Variants in ZNF623 observed in about 807,000 individuals in gnomAD.
ZNF623 encodes zinc finger protein 623.
A neutral mutation model predicts 24.0 loss-of-function variants in ZNF623; 16 were observed. That is an observed-to-expected ratio of 0.67 (90% CI 0.45 to 1.01). The LOEUF (loss-of-function observed/expected upper bound fraction) is 1.01. ZNF623 is among the 50% of genes least tolerant of loss of function. ZNF623 has a pLI of 0.00. For synonymous variants in ZNF623, 224 were observed against 219.8 expected (o/e 1.02, Z -0.17); for missense variants, 566 against 606.5 (o/e 0.93, Z 0.70).
Position 143,650,862 on chromosome 8 carries a change from G to A in ZNF623, c.870G>A (p.Arg290=), listed in dbSNP as rs369081911. The A allele has an allele frequency of 1.2e-6, 2 of 1,614,044 alleles. No individual in the cohort carries two copies. Among genetic ancestry groups the A allele is most frequent in the Non-Finnish European group, 1.7e-6 (2 of 1,180,036 alleles). Residue 290 remains arginine, a synonymous_variant, in exon 2 of 2, where the codon CGG becomes CGA. Transcript: ENST00000526926. The surrounding 1 kb of genome is among the most constrained non-coding windows in gnomAD (Gnocchi z 5.2). ...ECNECGKAFI[R]SSKLIQHQRI... ...ATGAGTGTGGGAAAGCCTTTATTCG[G>A]AGTTCAAAGCTCATTCAGCATCAGA...
chr8:143,647,493 G>A (rs1815202549), intron 1 of ZNF623, among the ~76,000 whole-genome samples: 1 of 152,212 alleles, frequency 6.6e-6, no homozygotes, highest in Non-Finnish European at 1.5e-5. Context: ...GACTAGGAGG[G>A]ACTCTGATCA....
At chr8:143,643,176 C>G (rs1342054014) in intron 1 of ZNF623, among the ~76,000 whole-genome samples, 1 of 152,226 alleles carries the variant, frequency 6.6e-6, no homozygotes, top group Non-Finnish European at 1.5e-5. Context: ...CCAGTAAGCA[C>G]ACAGGGTTCT....
At chr8:143,644,241 C>T (rs947059796) in intron 1 of ZNF623, among the ~76,000 whole-genome samples, 3 of 152,170 alleles carry the variant, frequency 2.0e-5, no homozygotes, top group African/African-American at 7.2e-5. Flanking sequence ...TGGTCTCGAA[C>T]TCCTGACCTC....
chr8:143,644,586 T>C (rs956147142), intron 1 of ZNF623, among the ~76,000 whole-genome samples: 8 of 151,956 alleles, frequency 5.3e-5, no homozygotes, highest in African/African-American at 1.7e-4. Flanking sequence ...GCAGAATATA[T>C]ATGGAAATTA....
In ZNF623 at chr8:143,652,240, T is replaced by C. The variant is rs1166944829; in HGVS notation, c.*757T>C. On this transcript the variant is annotated 3_prime_UTR_variant, in exon 2 of 2. Transcript: ENST00000526926. ...TCAGTGATTACTGCTATTACTATAT[T>C]TACTTGCATATGTCAGAATGATGTG... 6.0e-6 allele frequency: 1 copy of C among 167,122 alleles called. No individual in the cohort carries two copies. The highest frequency in any genetic ancestry group is 1.5e-5 in the Non-Finnish European group (1 of 68,136). 10.4% of individuals were successfully genotyped at this position (167,122 alleles called of 1,614,324 possible). A position where few individuals can be genotyped will look rare whatever the true frequency, so the allele number is the denominator to read the frequency against.
intron 1 of ZNF623, among the ~76,000 whole-genome samples, chr8:143,646,562 T>TGTGTGTGTGTGTGC (rs1815181116): frequency 1.3e-5 from 2 of 151,980 alleles, no homozygotes; most frequent in South Asian, 4.2e-4. Flanking sequence ...TGTGTGTGTG[T>TGTGTGTGTGTGTGC]GTGTGTGCAT....
intron 1 of ZNF623, among the ~76,000 whole-genome samples, chr8:143,640,008 G>A (rs151290383): frequency 4.9e-4 from 75 of 152,318 alleles, no homozygotes; most frequent in Non-Finnish European, 8.2e-4. Flanking sequence ...AAGGAAGAAG[G>A]AAACAGGAAT....
chr8:143,643,397 A>C (rs1213256660), intron 1 of ZNF623, among the ~76,000 whole-genome samples: 1 of 152,126 alleles, frequency 6.6e-6, no homozygotes, highest in Non-Finnish European at 1.5e-5. Context: ...TAAGCTGCTG[A>C]GTTTGTGTAA....
intron 1 of ZNF623, among the ~76,000 whole-genome samples, chr8:143,645,951 T>C (rs62522226): frequency 0.26 from 40,262 of 152,076 alleles, 5,628 homozygotes; most frequent in East Asian, 0.36. Context: ...CTAGACATTC[T>C]AAAAGAGCTG....
At position 143,649,973 on chromosome 8, in the gene ZNF623, C is replaced by A; in HGVS notation, c.-20C>A. The A allele has an allele frequency of 2.5e-6, 4 of 1,614,178 alleles. No homozygotes were observed. In the South Asian group the frequency reaches 4.4e-5, roughly 18 times the overall value. On this transcript the variant is annotated 5_prime_UTR_variant, in exon 2 of 2. Coordinates refer to ENST00000526926, the MANE Select transcript of ZNF623 (RefSeq NM_001261843.2). ...GAGGATGAAAACTCACATAGGACGACGTCAGACAGACTCACGGTGATGGAG... is the reference window on the plus strand; with the variant it reads ...GAGGATGAAAACTCACATAGGACGAAGTCAGACAGACTCACGGTGATGGAG...
intron 1 of ZNF623, among the ~76,000 whole-genome samples, chr8:143,643,036 G>C (rs1384090689): frequency 6.6e-6 from 1 of 152,214 alleles, no homozygotes; most frequent in Non-Finnish European, 1.5e-5. Flanking sequence ...TAATCACACA[G>C]ACCCTGGGAA....
chr8:143,643,916 A>G (rs1815115301), intron 1 of ZNF623, among the ~76,000 whole-genome samples: 1 of 152,320 alleles, frequency 6.6e-6, no homozygotes, highest in Admixed American at 6.5e-5. Flanking sequence ...AGACTTCTGC[A>G]GGGTAGGCTT....
Position 143,651,067 on chromosome 8 carries a change from GGAGA to G in ZNF623, c.1081_1084del (p.Arg361CysfsTer114). On this transcript the variant is annotated frameshift_variant, in exon 2 of 2. Transcript: ENST00000526926. LOFTEE classifies it high-confidence loss of function. ...TATTCGACACCAGAAAATCCACACT[GGAGA>G]GAGAGTGTATGAATGTAAGGAATGT... is the stretch of plus-strand genomic sequence containing the variant. 6.2e-7 allele frequency: 1 copy of G among 1,614,168 alleles called. No individual in the cohort carries two copies. The highest frequency in any genetic ancestry group is 8.5e-7 in the Non-Finnish European group (1 of 1,180,020).
chr8:143,638,929 G>C (rs1359116825), intron 1 of ZNF623, among the ~76,000 whole-genome samples: 1 of 152,052 alleles, frequency 6.6e-6, no homozygotes, highest in East Asian at 1.9e-4. Context: ...GTTTGCTCTT[G>C]TTGCCCAGGC....
rs1039781154 is a variant in ZNF623, at chr8:143,636,048, T to G, written c.-193T>G. Reference sequence around the variant, plus strand: ...TCCGGTCGCGGCGGGCTGGCGGCGGTGCAGGCTTTGTCGGCTGATCTGTGG... The same window carrying G: ...TCCGGTCGCGGCGGGCTGGCGGCGGGGCAGGCTTTGTCGGCTGATCTGTGG... On this transcript the variant is annotated 5_prime_UTR_variant, in exon 1 of 2. Coordinates refer to ENST00000526926, the MANE Select transcript of ZNF623 (RefSeq NM_001261843.2). 2 of 152,468 alleles carry G rather than the reference T, an allele frequency of 1.3e-5. No individual in the cohort carries two copies. The highest frequency in any genetic ancestry group is 4.8e-5 in the African/African-American group (2 of 41,542). The allele number at this position is 152,468 out of a possible 1,614,324, so 9.4% of individuals were successfully genotyped here. A position where few individuals can be genotyped will look rare whatever the true frequency, so the allele number is the denominator to read the frequency against.
Position 143,650,101 on chromosome 8 carries a change from G to A in ZNF623, c.109G>A (p.Gly37Ser), listed in dbSNP as rs1587333307. 6.2e-7 allele frequency: 1 copy of A among 1,614,164 alleles called. No homozygotes were observed. Among genetic ancestry groups the A allele is most frequent in the Non-Finnish European group, 8.5e-7 (1 of 1,180,032 alleles). The stretch of plus-strand genomic sequence containing the variant: ...GGGGAGTTCCCCCTCTCAGGACAGG[G>A]GCTGCAAGCAGGTGACAGTGACCCA... The part of the protein sequence containing the change: ...SLGSSPSQDR[G>S]CKQVTVTHWK... Residue 37 changes from glycine to serine, a missense_variant, in exon 2 of 2, where the codon GGC becomes AGC. Around this residue, in one of 3 missense-constraint regions of ZNF623, gnomAD observed 313 missense variants for 300.4 expected, o/e 1.04. Coordinates refer to ENST00000526926, the MANE Select transcript of ZNF623 (RefSeq NM_001261843.2). This position sits in a 1 kb window ranked among gnomAD's most constrained non-coding sequence, Gnocchi z 5.2.
rs543635772 is a variant in ZNF623 at position 143,653,327 on chromosome 8, G to A, written c.*1844G>A. 1.9e-4 allele frequency: 32 copies of A among 164,942 alleles called. No homozygotes were observed. The highest frequency in any genetic ancestry group is 7.6e-4 in the African/African-American group (31 of 40,736). The allele number at this position is 164,942 out of a possible 1,614,324, so 10.2% of individuals were successfully genotyped here. ...ATACTACCAACCCTGAACGTCTCAG[G>A]ACAAATAATTCAAAAAAGAGATCTA... On this transcript the variant is annotated 3_prime_UTR_variant, in exon 2 of 2. Coordinates refer to ENST00000526926, the MANE Select transcript of ZNF623 (RefSeq NM_001261843.2).
chr8:143,640,764 A>C (rs1485632718), intron 1 of ZNF623, among the ~76,000 whole-genome samples: 1 of 151,998 alleles, frequency 6.6e-6, no homozygotes, highest in Non-Finnish European at 1.5e-5. Flanking sequence ...AACATAGCCA[A>C]ATCCCGTCTC....
At chr8:143,648,906 G>T (rs1262349651) in intron 1 of ZNF623, among the ~76,000 whole-genome samples, 3 of 151,972 alleles carry the variant, frequency 2.0e-5, no homozygotes, top group Non-Finnish European at 4.4e-5. Context: ...GAAGTGGAAG[G>T]TCCTGTGGGG....
Sources: allele counts gnomAD v4.1 joint callset (sites outside exome capture counted in the v4.1 genomes callset), GRCh38; gene constraint gnomAD v4.1.1; regional missense constraint gnomAD v4.1.1; non-coding constraint Gnocchi (gnomAD v3.1); transcripts MANE v1.5; gene names NCBI Gene and HGNC (gene_info 2026-07-23, HGNC 2026-07-21).